Variants in KCNN3 observed in about 807,000 individuals in gnomAD.
KCNN3 encodes potassium calcium-activated channel subfamily N member 3.
A neutral mutation model predicts 62.9 loss-of-function variants in KCNN3; 16 were observed. That is an observed-to-expected ratio of 0.25 (90% CI 0.17 to 0.39). The LOEUF is 0.39. Among genes scored for constraint, KCNN3 ranks in the 10% least tolerant of loss-of-function variants. KCNN3 has a pLI of 1.00. For missense variants in KCNN3, 599 were observed against 949.4 expected (o/e 0.63, Z 4.85); for synonymous variants, 370 against 389.2 (o/e 0.95, Z 0.58).
At chr1:154,765,853 G>A (rs1648244978) in intron 3 of KCNN3, among the ~76,000 whole-genome samples, 1 of 151,422 alleles carries the variant, frequency 6.6e-6, no homozygotes, top group Admixed American at 6.6e-5. Flanking sequence ...TGCTGTGTTG[G>A]TCAGGCTGGT....
chr1:154,699,255 T>C lies in KCNN3; in HGVS notation c.*8721A>G, dbSNP rs1699803539. ...AAAACAAACAAAAAATACATCAATG[T>C]TCCGAATAGAACCTCTCTATGTAAA... On this transcript the variant is annotated 3_prime_UTR_variant, in exon 8 of 8. Coordinates refer to ENST00000271915, the MANE Select transcript of KCNN3 (RefSeq NM_002249.6). 6.6e-6 allele frequency: 1 copy of C among 151,868 alleles called. No individual in the cohort carries two copies. Among genetic ancestry groups the C allele is most frequent in the East Asian group, 1.9e-4 (1 of 5,188 alleles). The allele number at this position is 151,868 out of a possible 1,614,324, so 9.4% of individuals were successfully genotyped here.
chr1:154,851,630 C>CT, intron 1 of KCNN3, among the ~76,000 whole-genome samples: 1 of 152,294 alleles, frequency 6.6e-6, no homozygotes, highest in Admixed American at 6.5e-5. Context: ...ACACCATGAC[C>CT]TTTTGTCCAA....
chr1:154,858,546 T>C (rs1222472735), intron 1 of KCNN3, among the ~76,000 whole-genome samples: 3 of 152,172 alleles, frequency 2.0e-5, no homozygotes, highest in Non-Finnish European at 4.4e-5. Context: ...CCCTGGAGTC[T>C]GTAAGGCACA....
intron 5 of KCNN3, among the ~76,000 whole-genome samples, chr1:154,720,741 A>G (rs1353383320): frequency 1.3e-5 from 2 of 152,248 alleles, no homozygotes; most frequent in African/African-American, 4.8e-5. Flanking sequence ...AAGGAGATCC[A>G]TGGGGAAGCA....
intron 3 of KCNN3, among the ~76,000 whole-genome samples, chr1:154,747,451 G>A (rs1381870133): frequency 6.6e-6 from 1 of 152,156 alleles, no homozygotes; most frequent in Non-Finnish European, 1.5e-5. Context: ...CAGACAAACA[G>A]TCTCTCTGGG....
chr1:154,757,962 C>T (rs1354584313), intron 3 of KCNN3, among the ~76,000 whole-genome samples: 5 of 152,202 alleles, frequency 3.3e-5, no homozygotes, highest in African/African-American at 7.2e-5. Context: ...CCTGGCCCAA[C>T]GTCACCTGCT....
intron 1 of KCNN3, chr1:154,859,849 T>G: frequency 6.3e-7 from 1 of 1,594,996 alleles, no homozygotes. Context: ...TCCTGTTAAT[T>G]TGACACTGAG....
Position 154,703,381 on chromosome 1 carries a change from C to G in KCNN3, c.*4595G>C, listed in dbSNP as rs934990160. The G allele has an allele frequency of 4.6e-5, 7 of 152,102 alleles. No homozygotes were observed. The highest frequency in any genetic ancestry group is 2.1e-4 in the South Asian group (1 of 4,816). 9.4% of individuals were successfully genotyped at this position (152,102 alleles called of 1,614,324 possible). A position where few individuals can be genotyped will look rare whatever the true frequency, so the allele number is the denominator to read the frequency against. ...CTGCAAGGGGAGAGAAGGGGTTGTT[C>G]GTGCCTACTGGGAAGTCACCAGATA... On this transcript the variant is annotated 3_prime_UTR_variant, in exon 8 of 8. Transcript: ENST00000271915.
intron 2 of KCNN3, among the ~76,000 whole-genome samples, chr1:154,787,411 G>A (rs561943706): frequency 2.6e-5 from 4 of 152,348 alleles, no homozygotes; most frequent in East Asian, 1.9e-4. Flanking sequence ...AGGTCACTGC[G>A]GATCTGGCCT....
At chr1:154,778,216 A>G (rs1181548875) in intron 2 of KCNN3, among the ~76,000 whole-genome samples, 5 of 152,176 alleles carry the variant, frequency 3.3e-5, no homozygotes, top group African/African-American at 1.2e-4. Context: ...GATTTTATGC[A>G]ACAGTGATTC....
rs1200518775 is a variant in KCNN3 at position 154,699,641 on chromosome 1, A to C, written c.*8335T>G. Reference sequence around the variant, plus strand: ...TGGAGTGTTTCTTGTTGGTGCAATGAGTAAGAGAATTGGCTTTCAAGGAGA... The same window carrying C: ...TGGAGTGTTTCTTGTTGGTGCAATGCGTAAGAGAATTGGCTTTCAAGGAGA... On this transcript the variant is annotated 3_prime_UTR_variant, in exon 8 of 8. Coordinates refer to ENST00000271915, the MANE Select transcript of KCNN3 (RefSeq NM_002249.6). 6.6e-6 allele frequency: 1 copy of C among 152,224 alleles called. No individual in the cohort carries two copies. Among genetic ancestry groups the C allele is most frequent in the Admixed American group, 6.5e-5 (1 of 15,274 alleles). The allele number at this position is 152,224 out of a possible 1,614,324, so 9.4% of individuals were successfully genotyped here. A position where few individuals can be genotyped will look rare whatever the true frequency, so the allele number is the denominator to read the frequency against.
intron 3 of KCNN3, among the ~76,000 whole-genome samples, chr1:154,756,192 AGG>A (rs1557959819): frequency 3.8e-5 from 1 of 26,140 alleles, no homozygotes; most frequent in African/African-American, 1.2e-4. Context: ...GAGGATGGGG[AGG>A]GGAGGAGGAG....
chr1:154,710,952 A>C (rs1263107861), intron 7 of KCNN3, among the ~76,000 whole-genome samples: 1 of 152,218 alleles, frequency 6.6e-6, no homozygotes, highest in Non-Finnish European at 1.5e-5. Context: ...TCAGGGATCT[A>C]GAACTAGAAA....
chr1:154,854,096 G>A (rs1023403436), intron 1 of KCNN3, among the ~76,000 whole-genome samples: 4 of 150,946 alleles, frequency 2.6e-5, no homozygotes, highest in African/African-American at 7.3e-5. Flanking sequence ...TTAGCCAGGT[G>A]TTGTGGCAGG....
intron 1 of KCNN3, among the ~76,000 whole-genome samples, chr1:154,859,312 G>C (rs190740741): frequency 6.6e-6 from 1 of 152,236 alleles, no homozygotes. Flanking sequence ...GGAAGCTTGC[G>C]AGGAGGCAGG....
chr1:154,770,577 C>T (rs1648504589), intron 3 of KCNN3, among the ~76,000 whole-genome samples: 1 of 152,142 alleles, frequency 6.6e-6, no homozygotes. Context: ...CCATACCTCC[C>T]AACATAATAA....
At position 154,870,064 on chromosome 1, in the gene KCNN3, C is replaced by G. The variant is rs1197084579; in HGVS notation, c.-100G>C. 4.4e-6 allele frequency: 6 copies of G among 1,366,666 alleles called. No individual in the cohort carries two copies. The Admixed American group carries it at 7.8e-5, about 18-fold the overall frequency. The allele number at this position is 1,366,666 out of a possible 1,614,324, so 84.7% of individuals were successfully genotyped here. A position where few individuals can be genotyped will look rare whatever the true frequency, so the allele number is the denominator to read the frequency against. On this transcript the variant is annotated 5_prime_UTR_variant, in exon 1 of 8. Coordinates refer to ENST00000271915, the MANE Select transcript of KCNN3 (RefSeq NM_002249.6). ...AGAAAGCCAGGCATCCAATCTCCCC[C>G]ACCAGTATCTTGGCTCCAGTCCTCT...
At chr1:154,714,841 G>A in intron 6 of KCNN3, 35 bp downstream of exon 6, 1 of 1,612,486 alleles carries the variant, frequency 6.2e-7, no homozygotes, top group Non-Finnish European at 8.5e-7. Context: ...TCCCAGTCTG[G>A]TCATCTGATG....
chr1:154,849,310 G>A (rs1367658287), intron 1 of KCNN3, among the ~76,000 whole-genome samples: 1 of 152,258 alleles, frequency 6.6e-6, no homozygotes, highest in East Asian at 1.9e-4. Flanking sequence ...GAAGCAAGAT[G>A]GAGCAGGCCT....
Sources: gnomAD v4.1 joint callset for allele counts (sites outside exome capture counted in the v4.1 genomes callset) on GRCh38, gnomAD v4.1.1 for gene constraint, MANE v1.5 for transcripts, NCBI Gene and HGNC (gene_info 2026-07-23, HGNC 2026-07-21) for gene names.